VWA3B: variants seen among roughly 807,000 people sequenced by gnomAD.
The protein encoded by VWA3B is von Willebrand factor A domain-containing protein 3B.
VWA3B carries 138 observed loss-of-function variants against 158.3 expected under a neutral mutation model. That is an observed-to-expected ratio of 0.87 (90% CI 0.76 to 1.00). VWA3B has a LOEUF of 1.00. Among genes scored for constraint, VWA3B ranks in the 50% least tolerant of loss-of-function variants. The pLI is 0.00. For missense variants in VWA3B, 1,555 were observed against 1,565.1 expected (o/e 0.99, Z 0.11); for synonymous variants, 596 against 587.3 (o/e 1.01, Z -0.21).
Position 98,312,274 on chromosome 2 carries a change from T to A in VWA3B, c.3810T>A (p.Pro1270=). The A allele has an allele frequency of 6.2e-7, 1 of 1,613,982 alleles. No individual in the cohort carries two copies. The highest frequency in any genetic ancestry group is 8.5e-7 in the Non-Finnish European group (1 of 1,179,970). ...ACGCCATCATTGCCACACCTCCACC[T>A]CGAGCAGCCCTGCCCTGTACTCTCC... The part of the protein sequence containing the change: ...SSHAIIATPP[P]RAALPCTLQA... The change falls in exon 28 of 28, where the codon CCT becomes CCA. Residue 1270 remains proline, a synonymous_variant. Coordinates refer to ENST00000477737, the MANE Select transcript of VWA3B (RefSeq NM_144992.5).
chr2:98,131,109 C>A (rs1675835730), intron 6 of VWA3B, among the ~76,000 whole-genome samples: 1 of 152,178 alleles, frequency 6.6e-6, no homozygotes. Context: ...ATCCCCCGAT[C>A]CTCACACCTT....
At chr2:98,163,083 G>A (rs967028909) in intron 8 of VWA3B, 107 bp downstream of exon 8, 5 of 1,527,012 alleles carry the variant, frequency 3.3e-6, no homozygotes, top group East Asian at 2.3e-5. Context: ...GAGCCCAGCT[G>A]CGAGGGGCTG....
intron 12 of VWA3B, among the ~76,000 whole-genome samples, chr2:98,210,824 T>C (rs1160824691): frequency 6.6e-6 from 1 of 152,172 alleles, no homozygotes; most frequent in Admixed American, 6.5e-5. Context: ...GTGTGGGTAA[T>C]GTGACCCAGG....
intron 23 of VWA3B, among the ~76,000 whole-genome samples, chr2:98,293,623 C>T (rs1374177238): frequency 6.6e-6 from 1 of 152,168 alleles, no homozygotes; most frequent in Non-Finnish European, 1.5e-5. Flanking sequence ...ATTTTATTCT[C>T]TCTTTCATAC....
chr2:98,119,624 G>A lies in VWA3B; in HGVS notation c.403G>A (p.Gly135Ser). 1 of 1,614,006 alleles carries A rather than the reference G, an allele frequency of 6.2e-7. No individual in the cohort carries two copies. The highest frequency in any genetic ancestry group is 8.5e-7 in the Non-Finnish European group (1 of 1,180,002). The change falls in exon 4 of 28, where the codon GGT becomes AGT. Residue 135 changes from glycine (G) to serine (S), a missense_variant. Physicochemically the swap from Gly to Ser is moderately conservative, Grantham distance 56. Coordinates refer to ENST00000477737, the MANE Select transcript of VWA3B (RefSeq NM_144992.5). ...WLTSKSRQIF[G>S]VILEQCVTIV... is the part of the protein sequence containing the mutation. ...CACCAGCAAGAGCCGGCAGATTTTT[G>A]GTGTCATCTTGGAACAGTGCGTCAC... is the stretch of plus-strand genomic sequence containing the variant.
chr2:98,209,752 C>G lies in VWA3B; in HGVS notation c.1738-2178C>G, dbSNP rs543776637. Among the ~76,000 whole-genome samples the G allele has an allele frequency of 3.3e-5, 5 of 152,250 alleles. No homozygotes were observed. In the South Asian group the frequency reaches 8.3e-4, roughly 25 times the overall value. On this transcript the variant is annotated intron_variant, in intron 12 of 27. Coordinates refer to ENST00000477737, the MANE Select transcript of VWA3B (RefSeq NM_144992.5). ...GCATCAGTGGGTTGCTTTTCTCATTCGAATGTGATATTTCTGGTTCTTGGT... is the reference window on the plus strand; with the variant it reads ...GCATCAGTGGGTTGCTTTTCTCATTGGAATGTGATATTTCTGGTTCTTGGT...
intron 8 of VWA3B, among the ~76,000 whole-genome samples, chr2:98,167,106 C>T (rs1679146611): frequency 1.3e-5 from 2 of 152,136 alleles, no homozygotes; most frequent in African/African-American, 4.8e-5. Flanking sequence ...TGCTCAGGGC[C>T]TGCAGACCCC....
At chr2:98,310,519 A>G (rs532934119) in intron 26 of VWA3B, among the ~76,000 whole-genome samples, 17 of 152,328 alleles carry the variant, frequency 1.1e-4, no homozygotes, top group African/African-American at 4.1e-4. Flanking sequence ...GACTGTAATC[A>G]TGGATCCTAA....
At chr2:98,247,578 A>G (rs1384617042) in intron 19 of VWA3B, among the ~76,000 whole-genome samples, 1 of 152,178 alleles carries the variant, frequency 6.6e-6, no homozygotes, top group East Asian at 1.9e-4. Flanking sequence ...AGCTGGATAT[A>G]AAAGTCTCTG....
At chr2:98,179,800 TTCTTTCTTTC>T (rs746804986) in intron 8 of VWA3B, among the ~76,000 whole-genome samples, 57 of 98,458 alleles carry the variant, frequency 5.8e-4, no homozygotes, top group Admixed American at 9.5e-4. Flanking sequence ...CTTTCTTTCT[TTCTTTCTTTC>T]TTTCTTTCTT....
chr2:98,288,710 C>G (rs1363763128), intron 22 of VWA3B, among the ~76,000 whole-genome samples: 1 of 152,162 alleles, frequency 6.6e-6, no homozygotes, highest in Non-Finnish European at 1.5e-5. Flanking sequence ...CATCCCTCCC[C>G]TCTTTGTCTC....
chr2:98,302,775 A>C (rs1221363274), intron 25 of VWA3B, among the ~76,000 whole-genome samples: 1 of 152,182 alleles, frequency 6.6e-6, no homozygotes, highest in African/African-American at 2.4e-5. Context: ...TGCCTAGGAT[A>C]CAGAATAAAA....
At chr2:98,210,896 G>A in intron 12 of VWA3B, among the ~76,000 whole-genome samples, 1 of 152,232 alleles carries the variant, frequency 6.6e-6, no homozygotes, top group East Asian at 1.9e-4. Flanking sequence ...CAGATGGCAG[G>A]TCCAGCAGAG....
At chr2:98,271,735 G>T (rs1688212720) in intron 22 of VWA3B, among the ~76,000 whole-genome samples, 1 of 151,142 alleles carries the variant, frequency 6.6e-6, no homozygotes, top group Admixed American at 6.6e-5. Flanking sequence ...GAATTATTTT[G>T]TTAAGATACA....
At chr2:98,130,293 T>A (rs953071118) in intron 6 of VWA3B, among the ~76,000 whole-genome samples, 16 of 152,114 alleles carry the variant, frequency 1.1e-4, no homozygotes, top group Admixed American at 1.0e-3. Context: ...GAATATACAA[T>A]CGGGCTTTAC....
intron 23 of VWA3B, among the ~76,000 whole-genome samples, chr2:98,296,345 T>C (rs542374045): frequency 1.3e-5 from 2 of 152,352 alleles, no homozygotes; most frequent in South Asian, 2.1e-4. Context: ...GTTTCCAGAA[T>C]AGAAATTATT....
At chr2:98,170,219 T>C (rs1289771190) in intron 8 of VWA3B, among the ~76,000 whole-genome samples, 2 of 152,188 alleles carry the variant, frequency 1.3e-5, no homozygotes, top group African/African-American at 4.8e-5. Context: ...TCTCAAAGCA[T>C]TTCAGGAACT....
chr2:98,184,335 G>A (rs963504846), intron 9 of VWA3B, among the ~76,000 whole-genome samples: 2 of 152,236 alleles, frequency 1.3e-5, no homozygotes, highest in Admixed American at 1.3e-4. Context: ...TGCCTTGGGA[G>A]CATAGGACAG....
At chr2:98,182,011 G>A (rs1680626662) in intron 9 of VWA3B, among the ~76,000 whole-genome samples, 1 of 152,234 alleles carries the variant, frequency 6.6e-6, no homozygotes, top group Admixed American at 6.5e-5. Flanking sequence ...ATAGAAATCA[G>A]GATAAAATGA....
Sources: gnomAD v4.1 joint callset for allele counts (sites outside exome capture counted in the v4.1 genomes callset) on GRCh38, gnomAD v4.1.1 for gene constraint, MANE v1.5 for transcripts, NCBI Gene and HGNC (gene_info 2026-07-23, HGNC 2026-07-21) for gene names.